PDZD2: variants seen among roughly 807,000 people sequenced by gnomAD.
PDZD2 encodes PDZ domain-containing protein 2.
A neutral mutation model predicts 220.7 loss-of-function variants in PDZD2; 90 were observed. That is an observed-to-expected ratio of 0.41 (90% confidence interval 0.34 to 0.49). PDZD2 has a LOEUF of 0.49. Among genes scored for constraint, PDZD2 ranks in the 20% least tolerant of loss-of-function variants. PDZD2 has a pLI of 0.28. For synonymous variants in PDZD2, 1,375 were observed against 1,450.5 expected, an observed-to-expected ratio of 0.95 and a Z score of 1.18; for missense variants, 3,174 against 3,608.5, an observed-to-expected ratio of 0.88 and a Z score of 3.08.
In PDZD2 at chr5:32,000,300, TA is replaced by T. The variant is rs368664294; in HGVS notation, c.1254+31del. 2,520 of 1,612,874 alleles carry T rather than the reference TA, an allele frequency of 1.6e-3. 33 individuals are homozygous for T. The highest frequency in any genetic ancestry group is 0.013 in the South Asian group (1,203 of 91,030). On this transcript the variant is annotated intron_variant, in intron 5 of 24. Coordinates refer to ENST00000438447, the MANE Select transcript of PDZD2 (RefSeq NM_178140.4). The surrounding 1 kb of genome is among the most constrained non-coding windows in gnomAD (Gnocchi z 4.5). ...GGTCGTGTTTGTTTTTTGGTACTCG[TA>T]ATGGTGGCAGTGGTGAGTTGGGGTT...
chr5:32,060,964 C>T (rs201188600), intron 13 of PDZD2, 38 bp from the exon 14 acceptor site: 2 of 1,611,168 alleles, frequency 1.2e-6, no homozygotes, highest in Non-Finnish European at 1.7e-6. Context: ...AAGAAGCTGG[C>T]TGCTAACACA....
At chr5:31,710,540 A>C (rs889433664) in intron 1 of PDZD2, among the ~76,000 whole-genome samples, 2 of 152,126 alleles carry the variant, frequency 1.3e-5, no homozygotes, top group Admixed American at 6.5e-5. Flanking sequence ...AGATATGGCC[A>C]GGCGTGGTGG....
chr5:31,656,067 A>C (rs1745537284), intron 1 of PDZD2, among the ~76,000 whole-genome samples: 1 of 152,198 alleles, frequency 6.6e-6, no homozygotes, highest in African/African-American at 2.4e-5. Context: ...CATGCTGCAG[A>C]GTCGAGTGTG....
At chr5:31,819,593 G>A (rs1267226611) in intron 2 of PDZD2, among the ~76,000 whole-genome samples, 1 of 147,580 alleles carries the variant, frequency 6.8e-6, no homozygotes, top group Non-Finnish European at 1.5e-5. Flanking sequence ...GGAGGCTGAG[G>A]TTGCAGTGAG....
chr5:31,640,469 A>T (rs1386967529), intron 1 of PDZD2, among the ~76,000 whole-genome samples: 2 of 152,222 alleles, frequency 1.3e-5, no homozygotes, highest in African/African-American at 4.8e-5. Flanking sequence ...GTAGGTGGAT[A>T]TGTTTGCCTT....
In PDZD2 at chr5:32,101,116, G is replaced by A; in HGVS notation, c.8230G>A (p.Ala2744Thr). The A allele has an allele frequency of 6.2e-7, 1 of 1,614,124 alleles. No homozygotes were observed. The highest frequency in any genetic ancestry group is 1.1e-5 in the South Asian group (1 of 91,086). Residue 2744 changes from alanine to threonine, a missense_variant, in exon 24 of 25, where the codon GCT becomes ACT. Transcript: ENST00000438447. ...CGCTGCGGCTGCAGGGAGAAGTGTG[G>A]CTGTACACGATGCTCTGTGTGTTGA... ...PLEPGIGRSV[A>T]VHDALCVEVL...
chr5:32,048,085 A>G (rs181301726), intron 7 of PDZD2, among the ~76,000 whole-genome samples: 17 of 152,296 alleles, frequency 1.1e-4, no homozygotes, highest in African/African-American at 3.6e-4. Flanking sequence ...AGTTGTGCAC[A>G]TTTCTGTAAG....
At chr5:31,909,499 A>C (rs1238089096) in intron 2 of PDZD2, among the ~76,000 whole-genome samples, 1 of 152,198 alleles carries the variant, frequency 6.6e-6, no homozygotes, top group African/African-American at 2.4e-5. Context: ...TGATTAAAAA[A>C]AGAGAAGAAC....
At chr5:31,778,441 A>G (rs1371319123) in intron 1 of PDZD2, among the ~76,000 whole-genome samples, 1 of 152,132 alleles carries the variant, frequency 6.6e-6, no homozygotes, top group Non-Finnish European at 1.5e-5. Flanking sequence ...GAAGGTCTGC[A>G]GCTTCACTCC....
At chr5:32,030,458 G>A (rs954944005) in intron 6 of PDZD2, among the ~76,000 whole-genome samples, 2 of 152,232 alleles carry the variant, frequency 1.3e-5, no homozygotes, top group African/African-American at 4.8e-5. Flanking sequence ...GGATATGTCT[G>A]TAGTGATTCA....
chr5:32,069,443 T>G, intron 14 of PDZD2, 126 bp from the exon 15 acceptor site: 1 of 652,860 alleles, frequency 1.5e-6, no homozygotes, highest in Non-Finnish European at 2.8e-6. Flanking sequence ...CGGAGGATGG[T>G]CATAATCCTT....
At chr5:31,936,315 G>GCTGA (rs1745721663) in intron 2 of PDZD2, 2 of 987,484 alleles carry the variant, frequency 2.0e-6, no homozygotes, top group African/African-American at 1.7e-5. Context: ...AAGCACAGCA[G>GCTGA]AGCACGCTCA....
rs188764139 is a variant in PDZD2, at chr5:32,046,250, T to A, written c.1520-2289T>A. Among the ~76,000 whole-genome samples, 85 of 152,240 alleles carry A rather than the reference T, an allele frequency of 5.6e-4. 1 individual carries two copies. The highest frequency in any genetic ancestry group is 4.6e-3 in the Admixed American group (71 of 15,294). The stretch of plus-strand genomic sequence containing the variant: ...TTACTATAGAAGTTTTGTTTTTGTT[T>A]TTGTTTTTTTGAGACAGTCTCTCAC... On this transcript the variant is annotated intron_variant, in intron 7 of 24. Transcript: ENST00000438447.
chr5:31,691,271 C>G (rs1287158402), intron 1 of PDZD2, among the ~76,000 whole-genome samples: 1 of 151,022 alleles, frequency 6.6e-6, no homozygotes, highest in Non-Finnish European at 1.5e-5. Flanking sequence ...TCCCGGTGGG[C>G]TCGTGGTCTC....
intron 2 of PDZD2, among the ~76,000 whole-genome samples, chr5:31,806,153 C>A (rs896013982): frequency 6.6e-6 from 1 of 152,216 alleles, no homozygotes; most frequent in African/African-American, 2.4e-5. Flanking sequence ...TCCTCCCCGA[C>A]ACTGGACACT....
At chr5:31,746,740 T>C (rs1229155349) in intron 1 of PDZD2, among the ~76,000 whole-genome samples, 1 of 151,474 alleles carries the variant, frequency 6.6e-6, no homozygotes, top group Non-Finnish European at 1.5e-5. Flanking sequence ...TGCTCTGCAC[T>C]CTTTCCAGGG....
At chr5:32,095,924 T>TG (rs1355257433) in intron 21 of PDZD2, among the ~76,000 whole-genome samples, 3 of 148,544 alleles carry the variant, frequency 2.0e-5, no homozygotes, top group Non-Finnish European at 4.5e-5. Flanking sequence ...TTTTTTTTTT[T>TG]AGTAGAGACG....
At chr5:31,913,960 T>C (rs904126839) in intron 2 of PDZD2, among the ~76,000 whole-genome samples, 1 of 151,950 alleles carries the variant, frequency 6.6e-6, no homozygotes, top group Non-Finnish European at 1.5e-5. Context: ...CAGCACACAC[T>C]CTCTACTGCT....
chr5:31,975,496 C>A lies in PDZD2; in HGVS notation c.477-7659C>A, dbSNP rs1749669017. ...GGGTGGGCACCCAGCCAAACCATATCATATTCCCTGCTCTAGATTCCAGAT... is the reference window on the plus strand; with the variant it reads ...GGGTGGGCACCCAGCCAAACCATATAATATTCCCTGCTCTAGATTCCAGAT... On this transcript the variant is annotated intron_variant, in intron 2 of 24. Coordinates refer to ENST00000438447, the MANE Select transcript of PDZD2 (RefSeq NM_178140.4). Among the ~76,000 whole-genome samples the A allele has an allele frequency of 2.0e-5, 3 of 152,194 alleles. No individual in the cohort carries two copies. The South Asian group carries it at 6.2e-4, about 32-fold the overall frequency.
Sources: gnomAD v4.1 joint callset for allele counts (sites outside exome capture counted in the v4.1 genomes callset) on GRCh38, gnomAD v4.1.1 for gene constraint, Gnocchi (gnomAD v3.1) non-coding constraint, MANE v1.5 for transcripts, NCBI Gene and HGNC (gene_info 2026-07-23, HGNC 2026-07-21) for gene names.